Variants in NUP37 observed in about 807,000 individuals in gnomAD.
The protein encoded by NUP37 is nucleoporin Nup37.
In NUP37, 33 loss-of-function variants were observed where a neutral mutation model predicts 45.4. The ratio of observed to expected loss-of-function variants is 0.73; its 90% CI spans 0.55 to 0.97. NUP37 has a LOEUF of 0.97. Ranked by LOEUF, NUP37 falls within the 50% of genes least tolerant of loss-of-function variation. NUP37 has a pLI of 0.00. For missense variants in NUP37, 365 were observed against 389.7 expected (o/e 0.94, Z 0.53); for synonymous variants, 127 against 130.7 (o/e 0.97, Z 0.19).
intron 6 of NUP37, among the ~76,000 whole-genome samples, chr12:102,083,497 C>T (rs181908706): frequency 1.1e-4 from 17 of 152,266 alleles, no homozygotes; most frequent in South Asian, 8.3e-4. Flanking sequence ...GTGAAAGCTG[C>T]GAGAAGATTT....
chr12:102,109,460 T>C (rs1880252871), intron 3 of NUP37, among the ~76,000 whole-genome samples: 1 of 152,134 alleles, frequency 6.6e-6, no homozygotes. Flanking sequence ...TTATGTACAA[T>C]TATGTACAAA....
At chr12:102,079,305 T>C (rs1200938088) in intron 6 of NUP37, 2 of 450,888 alleles carry the variant, frequency 4.4e-6, no homozygotes, top group Non-Finnish European at 8.9e-6. Flanking sequence ...TTTTGTACTT[T>C]CCTAAACACA....
At chr12:102,105,042 A>G (rs1880091428) in intron 3 of NUP37, among the ~76,000 whole-genome samples, 1 of 152,166 alleles carries the variant, frequency 6.6e-6, no homozygotes, top group Non-Finnish European at 1.5e-5. Context: ...ACACTTTAAC[A>G]CTATGAAATC....
chr12:102,077,755 A>C (rs1879216624), intron 6 of NUP37, among the ~76,000 whole-genome samples: 1 of 152,238 alleles, frequency 6.6e-6, no homozygotes, highest in Non-Finnish European at 1.5e-5. Flanking sequence ...TTATTAAAAA[A>C]AGTTATATAA....
intron 3 of NUP37, among the ~76,000 whole-genome samples, chr12:102,108,928 T>C (rs1880234367): frequency 1.3e-5 from 2 of 152,208 alleles, no homozygotes; most frequent in South Asian, 4.1e-4. Context: ...AAAGGGTTTG[T>C]AAAGAGGTAT....
intron 3 of NUP37, among the ~76,000 whole-genome samples, chr12:102,103,840 A>G (rs897130372): frequency 6.6e-6 from 1 of 152,192 alleles, no homozygotes; most frequent in Non-Finnish European, 1.5e-5. Context: ...AACTCAACAA[A>G]TTAGGTATAG....
At chr12:102,110,607 C>T (rs1357405703) in intron 3 of NUP37, among the ~76,000 whole-genome samples, 1 of 151,038 alleles carries the variant, frequency 6.6e-6, no homozygotes, top group Non-Finnish European at 1.5e-5. Context: ...CTTTGGGAGG[C>T]CAAGGCACAT....
intron 3 of NUP37, among the ~76,000 whole-genome samples, chr12:102,105,957 G>C (rs183243427): frequency 6.6e-6 from 1 of 151,564 alleles, no homozygotes; most frequent in African/African-American, 2.4e-5. Flanking sequence ...ATAGGGTTTT[G>C]CAAACATGAT....
intron 2 of NUP37, 25 bp from the exon 3 acceptor site, chr12:102,112,257 A>G: frequency 6.3e-7 from 1 of 1,579,862 alleles, no homozygotes; most frequent in Non-Finnish European, 8.7e-7. Context: ...TAAATGTTTT[A>G]ATAAGTAATG....
chr12:102,118,362 C>T lies in NUP37; in HGVS notation c.156+1G>A, dbSNP rs139236610. 14 of 1,611,340 alleles carry T rather than the reference C, an allele frequency of 8.7e-6. No homozygotes were observed. The highest frequency in any genetic ancestry group is 1.2e-5 in the Non-Finnish European group (14 of 1,178,804). On this transcript the variant is annotated splice_donor_variant, in intron 2 of 9. Coordinates refer to ENST00000552283, the MANE Select transcript of NUP37 (RefSeq NM_024057.4). LOFTEE classifies it high-confidence loss of function. ...CATTCGGTGCAGTTTTGTAGACTAA[C>T]CTGAAACGTACACGTGCCAATGACC...
At chr12:102,118,033 T>C (rs1345111476) in intron 2 of NUP37, among the ~76,000 whole-genome samples, 1 of 152,216 alleles carries the variant, frequency 6.6e-6, no homozygotes, top group Non-Finnish European at 1.5e-5. Context: ...AAGCAGGATG[T>C]AGAAAAACCG....
At chr12:102,085,891 C>T in intron 5 of NUP37, 35 bp from the exon 6 acceptor site, 1 of 995,412 alleles carries the variant, frequency 1.0e-6, no homozygotes, top group South Asian at 1.5e-5. Context: ...GTTAATTGTT[C>T]TTGATATATC....
chr12:102,114,981 C>G (rs1044203525), intron 2 of NUP37, among the ~76,000 whole-genome samples: 5 of 152,338 alleles, frequency 3.3e-5, no homozygotes, highest in African/African-American at 7.2e-5. Flanking sequence ...CTGGCCATAG[C>G]TGATCTCCTC....
intron 6 of NUP37, chr12:102,079,185 C>A (rs1879265243): frequency 2.2e-6 from 1 of 455,736 alleles, no homozygotes. Context: ...ACCATTTAAA[C>A]CTGTTGAGTG....
intron 2 of NUP37, among the ~76,000 whole-genome samples, chr12:102,113,760 T>C (rs1880382469): frequency 6.6e-6 from 1 of 152,180 alleles, no homozygotes; most frequent in South Asian, 2.1e-4. Flanking sequence ...TACGTATGTC[T>C]ATATTGATAG....
intron 2 of NUP37, among the ~76,000 whole-genome samples, chr12:102,115,309 T>C (rs1880433319): frequency 6.6e-6 from 1 of 152,206 alleles, no homozygotes; most frequent in South Asian, 2.1e-4. Context: ...CAGGACCTTA[T>C]GAAGCACGTG....
At position 102,118,570 on chromosome 12, in the gene NUP37, A is replaced by G. The variant is rs758178904; in HGVS notation, c.-52T>C. On this transcript the variant is annotated 5_prime_UTR_variant, in exon 2 of 10. Coordinates refer to ENST00000552283, the MANE Select transcript of NUP37 (RefSeq NM_024057.4). ...TGAAAATTAAATAGCCTTCTACTGG[A>G]CAAGGTCACGAAACTGTGGATTAGA... 108 of 1,546,516 alleles carry G rather than the reference A, an allele frequency of 7.0e-5. No individual in the cohort carries two copies. Among genetic ancestry groups the G allele is most frequent in the Non-Finnish European group, 9.1e-5 (104 of 1,138,522 alleles).
At chr12:102,085,682 GATCTTCCTCCTCT>G in intron 6 of NUP37, 71 bp downstream of exon 6, 1 of 600,970 alleles carries the variant, frequency 1.7e-6, no homozygotes, top group Non-Finnish European at 2.8e-6. Flanking sequence ...AAAAATCATT[GATCTTCCTCCTCT>G]ATGTATGTGA....
In NUP37 at chr12:102,082,944, A is replaced by G. The variant is rs185544201; in HGVS notation, c.540+2822T>C. On this transcript the variant is annotated intron_variant, in intron 6 of 9. Transcript: ENST00000552283. ...TTTGTGTATAGGGAAAGAAGAATTA[A>G]AGATGATTTTAGGATTCTGAGTTTA... Among the ~76,000 whole-genome samples, 30 of 152,286 alleles carry G rather than the reference A, an allele frequency of 2.0e-4. No homozygotes were observed. The East Asian group carries it at 5.4e-3, about 27-fold the overall frequency.
Sources: allele counts gnomAD v4.1 joint callset (sites outside exome capture counted in the v4.1 genomes callset), GRCh38; gene constraint gnomAD v4.1.1; transcripts MANE v1.5; gene names NCBI Gene and HGNC (gene_info 2026-07-23, HGNC 2026-07-21).